The following MIA3 variants were observed in gnomAD, a reference collection of about 807,000 sequenced individuals.
MIA3 encodes the protein transport and Golgi organization protein 1 homolog.
A neutral mutation model predicts 192.4 loss-of-function variants in MIA3; 90 were observed. The ratio of observed to expected loss-of-function variants is 0.47; its 90% confidence interval spans 0.39 to 0.56. The LOEUF is 0.56. MIA3 is among the 20% of genes least tolerant of loss of function. The pLI is 0.00. For synonymous variants in MIA3, 740 were observed against 792.8 expected, an observed-to-expected ratio of 0.93 and a Z score of 1.12; for missense variants, 2,123 against 2,269.4, an observed-to-expected ratio of 0.94 and a Z score of 1.31.
At chr1:222,636,312 G>A (rs1369831497) in intron 6 of MIA3, among the ~76,000 whole-genome samples, 1 of 152,034 alleles carries the variant, frequency 6.6e-6, no homozygotes, top group African/African-American at 2.4e-5. Context: ...TGACTAGCTG[G>A]AATTTAAATG....
chr1:222,644,097 T>C (rs900140396), intron 6 of MIA3, among the ~76,000 whole-genome samples: 1 of 152,214 alleles, frequency 6.6e-6, no homozygotes, highest in Non-Finnish European at 1.5e-5. Flanking sequence ...GGTAAATCCC[T>C]GGCCTCATTA....
At chr1:222,659,355 A>C in intron 19 of MIA3, 98 bp from the exon 20 acceptor site, 1 of 1,034,044 alleles carries the variant, frequency 9.7e-7, no homozygotes, top group Non-Finnish European at 1.5e-6. Flanking sequence ...GATAAGCTCT[A>C]TTAGGGTACA....
chr1:222,635,244 A>G (rs759168078), intron 6 of MIA3, among the ~76,000 whole-genome samples: 2 of 152,242 alleles, frequency 1.3e-5, no homozygotes, highest in African/African-American at 2.4e-5. Context: ...GAGTGAAATT[A>G]TCACTTGAAA....
At chr1:222,659,394 G>C in intron 19 of MIA3, 59 bp from the exon 20 acceptor site, 2 of 1,480,318 alleles carry the variant, frequency 1.4e-6, no homozygotes, top group Non-Finnish European at 1.9e-6. Context: ...AACATAGTCA[G>C]ATTGTTTGGG....
chr1:222,662,080 A>G lies in MIA3; in HGVS notation c.5138A>G (p.His1713Arg). ...EFGSVDGPLP[H>R]PRWSAEASGK... is the part of the protein sequence containing the mutation. Reference sequence around the variant, plus strand: ...GGATCAGTGGACGGGCCTCTACCTCATCCTCGATGGTCAGCTGAGGCATCT... The same window carrying G: ...GGATCAGTGGACGGGCCTCTACCTCGTCCTCGATGGTCAGCTGAGGCATCT... The change falls in exon 25 of 28, where the codon CAT becomes CGT. Residue 1713 changes from histidine (H) to arginine (R), a missense_variant. This residue lies in a region of MIA3 where 762 missense variants were observed against 856.4 expected (regional missense o/e 0.89). Coordinates refer to ENST00000344922, the MANE Select transcript of MIA3 (RefSeq NM_198551.4). 1 of 1,613,984 alleles carries G rather than the reference A, an allele frequency of 6.2e-7. No homozygotes were observed. Among genetic ancestry groups the G allele is most frequent in the Non-Finnish European group, 8.5e-7 (1 of 1,179,892 alleles).
In MIA3 at chr1:222,657,788, G is replaced by A. The variant is rs147036969; in HGVS notation, c.4608-934G>A. On this transcript the variant is annotated intron_variant, in intron 18 of 27. Transcript: ENST00000344922. ...ATCTTAGTCTCTTACAAGGTAATTAGTATAACCACTCATAAAATATTTGCT... is the reference window on the plus strand; with the variant it reads ...ATCTTAGTCTCTTACAAGGTAATTAATATAACCACTCATAAAATATTTGCT... Among the ~76,000 whole-genome samples the A allele has an allele frequency of 9.8e-5, 15 of 152,326 alleles. No individual in the cohort carries two copies. In the East Asian group the frequency reaches 2.5e-3, roughly 25 times the overall value.
At chr1:222,618,563 C>A (rs1661714597) in intron 1 of MIA3, among the ~76,000 whole-genome samples, 1 of 152,148 alleles carries the variant, frequency 6.6e-6, no homozygotes, top group Admixed American at 6.5e-5. Flanking sequence ...CCGGCTTCCC[C>A]AATAGTGGCT....
intron 15 of MIA3, among the ~76,000 whole-genome samples, chr1:222,653,693 A>G (rs771479651): frequency 6.6e-6 from 1 of 152,224 alleles, no homozygotes; most frequent in Non-Finnish European, 1.5e-5. Flanking sequence ...GTGTGGTTTT[A>G]AGGCCCACAA....
intron 3 of MIA3, 30 bp downstream of exon 3, chr1:222,624,884 G>C: frequency 1.5e-6 from 2 of 1,324,076 alleles, no homozygotes; most frequent in Non-Finnish European, 2.2e-6. Flanking sequence ...CTTGTTCTCA[G>C]TTATAAGTTG....
chr1:222,640,816 G>C (rs1157556042), intron 6 of MIA3, among the ~76,000 whole-genome samples: 2 of 152,076 alleles, frequency 1.3e-5, no homozygotes, highest in African/African-American at 4.8e-5. Context: ...ACTACAGACT[G>C]GGAAAGAGTC....
intron 7 of MIA3, 84 bp downstream of exon 7, chr1:222,645,769 A>T: frequency 8.2e-7 from 1 of 1,216,448 alleles, no homozygotes; most frequent in Non-Finnish European, 1.2e-6. Flanking sequence ...TTCAGTTTCT[A>T]ATATGAACAG....
In MIA3 at chr1:222,621,168, A is replaced by G. The variant is rs367817711; in HGVS notation, c.143A>G (p.Tyr48Cys). 21 of 1,611,022 alleles carry G rather than the reference A, an allele frequency of 1.3e-5. No homozygotes were observed. The highest frequency in any genetic ancestry group is 1.6e-5 in the Non-Finnish European group (19 of 1,178,850). The change falls in exon 2 of 28, where the codon TAC (tyrosine) becomes TGC (cysteine). Residue 48 changes from tyrosine to cysteine, a missense_variant. Tyr to Cys is a radical substitution (Grantham distance 194, BLOSUM62 -2). This residue lies in a region of MIA3 where 1,357 missense variants were observed against 1,396.1 expected (regional missense o/e 0.97). Coordinates refer to ENST00000344922, the MANE Select transcript of MIA3 (RefSeq NM_198551.4). The stretch of plus-strand genomic sequence containing the variant: ...CTCTCTTTATATACAGTGTTAATGT[A>G]CCGCGGTGAGGCTCTTGAAGATTTC... ...CADDECSMLM[Y>C]RGEALEDFTG...
chr1:222,641,194 C>A (rs1301943764), intron 6 of MIA3, among the ~76,000 whole-genome samples: 1 of 152,194 alleles, frequency 6.6e-6, no homozygotes, highest in Admixed American at 6.5e-5. Context: ...GTCATATGAT[C>A]CAGCCATTCT....
rs984860817 is a variant in MIA3, at chr1:222,659,363, A to T, written c.4710-90A>T. On this transcript the variant is annotated intron_variant, in intron 19 of 27. Transcript: ENST00000344922. ...ATTTCTGGATAAGCTCTATTAGGGT[A>T]CAGTTGTTAGGGTAACGGTTAACAT... 6.2e-6 allele frequency: 7 copies of T among 1,123,430 alleles called. No individual in the cohort carries two copies. In the South Asian group the frequency reaches 9.3e-5, roughly 15 times the overall value. The allele number at this position is 1,123,430 out of a possible 1,614,324, so 69.6% of individuals were successfully genotyped here. A position where few individuals can be genotyped will look rare whatever the true frequency, so the allele number is the denominator to read the frequency against.
intron 18 of MIA3, 105 bp downstream of exon 18, chr1:222,654,898 C>G (rs1200679866): frequency 6.1e-6 from 6 of 980,614 alleles, no homozygotes; most frequent in Non-Finnish European, 9.0e-6. Flanking sequence ...TCTTTTGCAT[C>G]TGTAATTAGT....
At chr1:222,641,442 C>T (rs911334008) in intron 6 of MIA3, 15 of 496,220 alleles carry the variant, frequency 3.0e-5, no homozygotes, top group Admixed American at 2.7e-4. Flanking sequence ...CTGAGCTGCC[C>T]CCAGGGCTCT....
At chr1:222,619,513 A>T (rs1661764287) in intron 1 of MIA3, among the ~76,000 whole-genome samples, 1 of 152,334 alleles carries the variant, frequency 6.6e-6, no homozygotes, top group African/African-American at 2.4e-5. Flanking sequence ...CCTAGAGATA[A>T]CCCTGTGGTT....
chr1:222,625,348 A>G lies in MIA3; in HGVS notation c.354+494A>G, dbSNP rs111469914. On this transcript the variant is annotated intron_variant, in intron 3 of 27. Coordinates refer to ENST00000344922, the MANE Select transcript of MIA3 (RefSeq NM_198551.4). ...ACAAGGCTTTTCTTTGCTGCTTTAT[A>G]TGTGAAAAATTAAGAGTTCAGTAGT... Among the ~76,000 whole-genome samples the G allele has an allele frequency of 4.5e-4, 69 of 152,346 alleles. 1 individual carries two copies. The highest frequency in any genetic ancestry group is 9.3e-4 in the Non-Finnish European group (63 of 68,028).
chr1:222,633,368 A>AAG, intron 6 of MIA3, 119 bp downstream of exon 6: 1 of 841,822 alleles, frequency 1.2e-6, no homozygotes, highest in South Asian at 1.8e-5. Context: ...TGATCCTTTG[A>AAG]AGAGAGACCC....
Sources: gnomAD v4.1 joint callset for allele counts (sites outside exome capture counted in the v4.1 genomes callset) on GRCh38, gnomAD v4.1.1 for gene constraint, gnomAD v4.1.1 regional missense constraint, MANE v1.5 for transcripts, NCBI Gene and HGNC (gene_info 2026-07-23, HGNC 2026-07-21) for gene names.